CPSF3: variants seen among roughly 807,000 people sequenced by gnomAD.
The protein encoded by CPSF3 is cleavage and polyadenylation specificity factor subunit 3.
A neutral mutation model predicts 84.1 loss-of-function variants in CPSF3; 57 were observed. The ratio of observed to expected loss-of-function variants is 0.68; its 90% CI spans 0.55 to 0.85. The LOEUF is 0.85. Ranked by LOEUF, CPSF3 falls within the 40% of genes least tolerant of loss-of-function variation. The probability of loss-of-function intolerance (pLI) is 0.00; values close to 1 mark genes in which losing one functional copy is unlikely to be tolerated. For missense variants in CPSF3, 522 were observed against 838.8 expected (o/e 0.62, Z 4.66); for synonymous variants, 275 against 278.1 (o/e 0.99, Z 0.11).
At position 9,455,715 on chromosome 2, in the gene CPSF3, G is replaced by A; in HGVS notation, c.1561G>A (p.Gly521Ser). 6.2e-7 allele frequency: 1 copy of A among 1,613,964 alleles called. No individual in the cohort carries two copies. Among genetic ancestry groups the A allele is most frequent in the East Asian group, 2.2e-5 (1 of 44,872 alleles). Residue 521 changes from glycine (G) to serine (S), a missense_variant, in exon 13 of 18, where the codon GGT becomes AGT. Gly to Ser is a moderately conservative substitution (Grantham distance 56). Transcript: ENST00000238112. The part of the protein sequence containing the change: ...VKQTQAIPYT[G>S]PFNLLCYQLQ... ...GCAGACCCAAGCCATTCCATATACT[G>A]GTCCCTTTAATTTGCTCTGTTACCA...
At chr2:9,457,855 C>T (rs933004173) in intron 14 of CPSF3, among the ~76,000 whole-genome samples, 4 of 151,876 alleles carry the variant, frequency 2.6e-5, no homozygotes, top group Non-Finnish European at 5.9e-5. Context: ...TAGGTTCAAA[C>T]GATTCTTCTG....
chr2:9,446,882 A>C (rs1447728330), intron 10 of CPSF3, among the ~76,000 whole-genome samples: 2 of 152,266 alleles, frequency 1.3e-5, no homozygotes, highest in East Asian at 3.8e-4. Flanking sequence ...ACAGTGGCTC[A>C]TGCCTGTAAT....
chr2:9,455,869 G>A, intron 13 of CPSF3, 112 bp downstream of exon 13: 2 of 720,486 alleles, frequency 2.8e-6, no homozygotes, highest in Non-Finnish European at 2.2e-6. Context: ...AATTGTGTAA[G>A]TTTTATAAAT....
chr2:9,442,104 G>A (rs992124905), intron 9 of CPSF3, 128 bp downstream of exon 9: 33 of 918,978 alleles, frequency 3.6e-5, no homozygotes, highest in East Asian at 3.2e-4. Context: ...AAATGAGGAC[G>A]GGAATAGGTA....
chr2:9,453,245 A>G (rs966734590), intron 12 of CPSF3, among the ~76,000 whole-genome samples: 4 of 152,246 alleles, frequency 2.6e-5, no homozygotes, highest in South Asian at 2.1e-4. Flanking sequence ...CTTTGGAAAC[A>G]TAAGTTCATT....
intron 17 of CPSF3, among the ~76,000 whole-genome samples, chr2:9,472,675 A>T (rs1465120747): frequency 3.3e-5 from 5 of 151,712 alleles, no homozygotes; most frequent in Non-Finnish European, 7.4e-5. Context: ...TTAGTTTGAG[A>T]CCCGGTCTCG....
chr2:9,464,099 AACC>A (rs1347257205), intron 15 of CPSF3, among the ~76,000 whole-genome samples: 1 of 152,064 alleles, frequency 6.6e-6, no homozygotes, highest in Non-Finnish European at 1.5e-5. Flanking sequence ...GTGTCTAACC[AACC>A]ACAATTTATG....
At chr2:9,443,220 G>A (rs527254694) in intron 9 of CPSF3, among the ~76,000 whole-genome samples, 1 of 152,288 alleles carries the variant, frequency 6.6e-6, no homozygotes, top group Admixed American at 6.5e-5. Context: ...TGACTTTGGA[G>A]AGCACAAGAA....
chr2:9,440,666 G>A lies in CPSF3; in HGVS notation c.936G>A (p.Lys312=). ...TTTTCAAACACATTAGTAACCTCAA[G>A]GTGAGTGCTTGTGGAAGAAAGACAA... ...PFVFKHISNL[K]SMDHFDDIGP... is the part of the protein sequence containing the mutation. Residue 312 remains lysine (K), a splice_region_variant and synonymous_variant, in exon 8 of 18, where the codon AAG becomes AAA. Coordinates refer to ENST00000238112, the MANE Select transcript of CPSF3 (RefSeq NM_016207.4). 6.2e-7 allele frequency: 1 copy of A among 1,613,978 alleles called. No homozygotes were observed. Among genetic ancestry groups the A allele is most frequent in the South Asian group, 1.1e-5 (1 of 91,050 alleles).
chr2:9,457,089 C>A, intron 14 of CPSF3, 62 bp downstream of exon 14: 3 of 907,048 alleles, frequency 3.3e-6, no homozygotes, highest in Admixed American at 2.5e-5. Context: ...AGTTCATGAA[C>A]AATTGTAGAG....
Position 9,467,705 on chromosome 2 carries a change from A to C in CPSF3, c.1787-2A>C. 1 of 1,593,522 alleles carries C rather than the reference A, an allele frequency of 6.3e-7. No individual in the cohort carries two copies. Among genetic ancestry groups the C allele is most frequent in the Non-Finnish European group, 8.6e-7 (1 of 1,169,120 alleles). On this transcript the variant is annotated splice_acceptor_variant, in intron 15 of 17. Coordinates refer to ENST00000238112, the MANE Select transcript of CPSF3 (RefSeq NM_016207.4). LOFTEE classifies it high-confidence loss of function. ...ACTCTCTGTCGCTTTTTTTTTTCCC[A>C]GGTGCAGTACAGAAGGTTTCTAAAA...
At chr2:9,466,402 G>T (rs13383005) in intron 15 of CPSF3, among the ~76,000 whole-genome samples, 3 of 137,852 alleles carry the variant, frequency 2.2e-5, no homozygotes, top group African/African-American at 8.4e-5. Context: ...GCACACACAC[G>T]CACGCGCACA....
intron 15 of CPSF3, among the ~76,000 whole-genome samples, chr2:9,466,318 A>G (rs1296458235): frequency 2.3e-4 from 19 of 83,592 alleles, no homozygotes; most frequent in Non-Finnish European, 5.2e-4. Context: ...ACACTGACGC[A>G]CGCACACAGA....
At chr2:9,447,643 C>T (rs1377074389) in intron 10 of CPSF3, among the ~76,000 whole-genome samples, 2 of 152,022 alleles carry the variant, frequency 1.3e-5, no homozygotes, top group Non-Finnish European at 2.9e-5. Context: ...GGCATAGTGG[C>T]GTGTACCTAT....
intron 6 of CPSF3, among the ~76,000 whole-genome samples, chr2:9,435,369 A>C (rs1680738708): frequency 6.6e-6 from 1 of 152,352 alleles, no homozygotes; most frequent in African/African-American, 2.4e-5. Context: ...CATGGGAAGA[A>C]GATACAGTTT....
chr2:9,454,637 C>T (rs1294859579), intron 12 of CPSF3, among the ~76,000 whole-genome samples: 2 of 150,500 alleles, frequency 1.3e-5, no homozygotes, highest in South Asian at 2.1e-4. Flanking sequence ...CTCCACCTCC[C>T]GGGTTCATGC....
intron 10 of CPSF3, among the ~76,000 whole-genome samples, chr2:9,446,587 A>G (rs1299444431): frequency 6.6e-6 from 1 of 151,152 alleles, no homozygotes; most frequent in Admixed American, 6.6e-5. Flanking sequence ...TCTCAAAAAA[A>G]AAAAAAAAAA....
chr2:9,450,089 C>G lies in CPSF3; in HGVS notation c.1395+1739C>G, dbSNP rs571968829. Reference sequence around the variant, plus strand: ...ATGACTTACTGCAGCCTCGACCTCCCTAGGCTCAGCTGATCCTCCCCTCTC... The same window carrying G: ...ATGACTTACTGCAGCCTCGACCTCCGTAGGCTCAGCTGATCCTCCCCTCTC... On this transcript the variant is annotated intron_variant, in intron 11 of 17. Coordinates refer to ENST00000238112, the MANE Select transcript of CPSF3 (RefSeq NM_016207.4). Among the ~76,000 whole-genome samples, 10 of 151,752 alleles carry G rather than the reference C, an allele frequency of 6.6e-5. No homozygotes were observed. The East Asian group carries it at 1.9e-3, about 29-fold the overall frequency.
intron 1 of CPSF3, among the ~76,000 whole-genome samples, chr2:9,428,048 G>A (rs75802967): frequency 6.6e-6 from 1 of 150,582 alleles, no homozygotes; most frequent in East Asian, 1.9e-4. Context: ...CCAGGCTGGA[G>A]CGCAGTGGCG....
Sources: gnomAD v4.1 joint callset for allele counts (sites outside exome capture counted in the v4.1 genomes callset) on GRCh38, gnomAD v4.1.1 for gene constraint, MANE v1.5 for transcripts, NCBI Gene and HGNC (gene_info 2026-07-23, HGNC 2026-07-21) for gene names.